Variants in SMAP1 observed in about 807,000 individuals in gnomAD.
SMAP1 encodes the protein stromal membrane-associated protein 1.
A neutral mutation model predicts 58.5 loss-of-function variants in SMAP1; 24 were observed. The observed-to-expected ratio is 0.41, with a 90% CI of 0.30 to 0.58. The LOEUF is 0.58. Ranked by LOEUF, SMAP1 falls within the 20% of genes least tolerant of loss-of-function variation. The pLI, the probability that SMAP1 is intolerant of heterozygous loss-of-function variation, is 0.29. For missense variants in SMAP1, 563 were observed against 566.3 expected (o/e 0.99, Z 0.06); for synonymous variants, 216 against 196.6 (o/e 1.10, Z -0.82).
intron 3 of SMAP1, among the ~76,000 whole-genome samples, chr6:70,761,813 C>T (rs1051129970): frequency 2.6e-5 from 4 of 151,918 alleles, no homozygotes; most frequent in South Asian, 4.1e-4. Flanking sequence ...GTGATGAAAC[C>T]GAGGCACCAA....
intron 7 of SMAP1, among the ~76,000 whole-genome samples, chr6:70,843,181 A>G (rs1770868308): frequency 6.8e-6 from 1 of 147,878 alleles, no homozygotes; most frequent in East Asian, 2.1e-4. Context: ...AAATTAACTA[A>G]TAATAAAACT....
intron 7 of SMAP1, among the ~76,000 whole-genome samples, chr6:70,839,836 G>A (rs1770733963): frequency 6.6e-6 from 1 of 151,832 alleles, no homozygotes; most frequent in South Asian, 2.1e-4. Flanking sequence ...TTTTAAAAAA[G>A]CTATGTTTCA....
rs78857060 is a variant in SMAP1 at position 70,793,564 on chromosome 6, C to T, written c.495+1795C>T. 1.1e-3 allele frequency among the ~76,000 whole-genome samples: 169 copies of T among 151,442 alleles called. 1 individual carries two copies. Among genetic ancestry groups the T allele is most frequent in the Non-Finnish European group, 2.0e-3 (137 of 67,908 alleles). On this transcript the variant is annotated intron_variant, in intron 5 of 10. Transcript: ENST00000370455. ...GTTGGACGTGTTAAGTATGAGGTCACTGTGGAACATTGAGGTGTTTAGTAG... is the reference window on the plus strand; with the variant it reads ...GTTGGACGTGTTAAGTATGAGGTCATTGTGGAACATTGAGGTGTTTAGTAG...
intron 6 of SMAP1, among the ~76,000 whole-genome samples, chr6:70,822,664 C>CT (rs1769940708): frequency 6.6e-6 from 1 of 152,126 alleles, no homozygotes. Context: ...GTTCTCTGAG[C>CT]TTCCTGGATG....
In SMAP1 at chr6:70,791,268, GTAT is replaced by G. The variant is rs1441735167; in HGVS notation, c.415-417_415-415del. ...CCGTTTTATTTTTCATTCTTAAAAGGTATTATAAGTAAAAACAAAAACTCATTT... is the reference window on the plus strand; with the variant it reads ...CCGTTTTATTTTTCATTCTTAAAAGGTATAAGTAAAAACAAAAACTCATTT... On this transcript the variant is annotated intron_variant, in intron 4 of 10. Coordinates refer to ENST00000370455, the MANE Select transcript of SMAP1 (RefSeq NM_001044305.3). 9.2e-5 allele frequency among the ~76,000 whole-genome samples: 14 copies of G among 151,980 alleles called. 1 individual carries two copies. The South Asian group carries it at 1.2e-3, about 14-fold the overall frequency.
chr6:70,835,184 G>A (rs1373331976), intron 6 of SMAP1, among the ~76,000 whole-genome samples: 2 of 150,462 alleles, frequency 1.3e-5, no homozygotes, highest in South Asian at 2.1e-4. Context: ...CCCGAGAGGC[G>A]GAGCTTGCAG....
At chr6:70,714,154 T>G (rs928374132) in intron 1 of SMAP1, among the ~76,000 whole-genome samples, 12 of 152,178 alleles carry the variant, frequency 7.9e-5, no homozygotes, top group Non-Finnish European at 8.8e-5. Context: ...GTAGACAATG[T>G]ATAGTTGGAT....
intron 3 of SMAP1, among the ~76,000 whole-genome samples, chr6:70,764,298 A>T (rs1766871384): frequency 6.6e-6 from 1 of 152,202 alleles, no homozygotes; most frequent in African/African-American, 2.4e-5. Flanking sequence ...TGTAACTAAG[A>T]TAATTGATGA....
intron 6 of SMAP1, among the ~76,000 whole-genome samples, chr6:70,799,408 G>A (rs954880681): frequency 6.6e-6 from 1 of 152,068 alleles, no homozygotes; most frequent in African/African-American, 2.4e-5. Flanking sequence ...GCAGTGATAT[G>A]CAGGATAGAT....
intron 6 of SMAP1, among the ~76,000 whole-genome samples, chr6:70,806,184 A>G (rs895649344): frequency 2.0e-5 from 3 of 152,150 alleles, no homozygotes; most frequent in East Asian, 1.9e-4. Context: ...CTTCCCAGCC[A>G]CTTTGTTTAC....
chr6:70,812,439 G>A lies in SMAP1; in HGVS notation c.576+13702G>A, dbSNP rs546037446. ...TTAGGATAAAAATTTGATTAGACAT[G>A]TAGTCTTGAGCCACAGAAACCATTG... On this transcript the variant is annotated intron_variant, in intron 6 of 10. Coordinates refer to ENST00000370455, the MANE Select transcript of SMAP1 (RefSeq NM_001044305.3). Among the ~76,000 whole-genome samples the A allele has an allele frequency of 4.1e-4, 62 of 152,294 alleles. 1 individual carries two copies. Among genetic ancestry groups the A allele is most frequent in the African/African-American group, 1.5e-3 (62 of 41,560 alleles).
chr6:70,773,897 C>G (rs1767436776), intron 4 of SMAP1, among the ~76,000 whole-genome samples: 1 of 152,166 alleles, frequency 6.6e-6, no homozygotes, highest in Admixed American at 6.5e-5. Flanking sequence ...TAAGTCTTTA[C>G]AGTAGTAATC....
intron 2 of SMAP1, among the ~76,000 whole-genome samples, chr6:70,749,854 A>G (rs1766204275): frequency 6.6e-6 from 1 of 152,230 alleles, no homozygotes; most frequent in Admixed American, 6.5e-5. Flanking sequence ...GCCACTGAGC[A>G]TGGAATGGAC....
At chr6:70,692,671 ACTGCTCTTTTACCC>A (rs1767222393) in intron 1 of SMAP1, among the ~76,000 whole-genome samples, 2 of 152,182 alleles carry the variant, frequency 1.3e-5, no homozygotes, top group African/African-American at 4.8e-5. Flanking sequence ...TACTGGAGAG[ACTGCTCTTTTACCC>A]AATGTATGTT....
At chr6:70,681,010 G>A (rs905181040) in intron 1 of SMAP1, among the ~76,000 whole-genome samples, 1 of 151,772 alleles carries the variant, frequency 6.6e-6, no homozygotes, top group Non-Finnish European at 1.5e-5. Context: ...GAGCCACTGC[G>A]CCTGGCCATA....
chr6:70,668,126 G>T lies in SMAP1; in HGVS notation c.103G>T (p.Asp35Tyr). 3 of 1,599,614 alleles carry T rather than the reference G, an allele frequency of 1.9e-6. No homozygotes were observed. The highest frequency in any genetic ancestry group is 1.1e-5 in the South Asian group (1 of 89,378). ...LREEDNKYCA[D>Y]CEAKGPRWAS... The stretch of plus-strand genomic sequence containing the variant: ...GGAGGAGGACAACAAGTACTGCGCC[G>T]ACTGCGAGGCCAAAGGTAGCTTGGA... Residue 35 changes from aspartate to tyrosine, a missense_variant, in exon 1 of 11, where the codon GAC becomes TAC. Transcript: ENST00000370455.
intron 7 of SMAP1, among the ~76,000 whole-genome samples, chr6:70,848,482 C>CT (rs760217741): frequency 1.6e-4 from 24 of 152,220 alleles, no homozygotes; most frequent in Non-Finnish European, 3.2e-4. Context: ...AATTACATGG[C>CT]TTTTGATGAA....
At chr6:70,771,286 C>A (rs547106688) in intron 3 of SMAP1, among the ~76,000 whole-genome samples, 3 of 152,210 alleles carry the variant, frequency 2.0e-5, no homozygotes, top group Non-Finnish European at 4.4e-5. Flanking sequence ...TCAAAGCTGT[C>A]AGACAGGGAT....
chr6:70,689,951 T>C (rs551672186), intron 1 of SMAP1, among the ~76,000 whole-genome samples: 6 of 152,352 alleles, frequency 3.9e-5, no homozygotes, highest in Admixed American at 1.3e-4. Context: ...TCATAGCTTT[T>C]TTCGTGGATT....
Sources: gnomAD v4.1 joint callset for allele counts (sites outside exome capture counted in the v4.1 genomes callset) on GRCh38, gnomAD v4.1.1 for gene constraint, MANE v1.5 for transcripts, NCBI Gene and HGNC (gene_info 2026-07-23, HGNC 2026-07-21) for gene names.